The following NAV2 variants were observed in gnomAD, a reference collection of about 807,000 sequenced individuals.
The protein encoded by NAV2 is helicase, APC down-regulated 1.
Under a neutral mutation model 223.2 loss-of-function variants are expected in NAV2, and 54 were observed. The observed-to-expected ratio is 0.24, with a 90% confidence interval of 0.19 to 0.30. The LOEUF is 0.30. NAV2 is among the 10% of genes least tolerant of loss of function. The pLI is 1.00. For missense variants in NAV2, 2,806 were observed against 3,147.5 expected (o/e 0.89, Z 2.60); for synonymous variants, 1,279 against 1,239.3 (o/e 1.03, Z -0.67).
intron 4 of NAV2, among the ~76,000 whole-genome samples, chr11:19,869,328 G>T (rs943621659): frequency 2.0e-5 from 3 of 152,160 alleles, no homozygotes; most frequent in African/African-American, 7.2e-5. Context: ...CCTCATCTAT[G>T]GGAGAGAGCA....
intron 1 of NAV2, among the ~76,000 whole-genome samples, chr11:19,803,848 G>A (rs762859294): frequency 3.9e-5 from 6 of 152,124 alleles, no homozygotes; most frequent in East Asian, 1.9e-4. Flanking sequence ...CTTGTTTGAC[G>A]TGTGTTTCCT....
rs576694265 is a variant in NAV2, at chr11:20,061,938, G to T, written c.4832-369G>T. Among the ~76,000 whole-genome samples the T allele has an allele frequency of 5.9e-5, 9 of 152,312 alleles. No homozygotes were observed. The South Asian group carries it at 1.9e-3, about 32-fold the overall frequency. ...AAAAAAGAGTGAAGCGAAATATGCT[G>T]GAACAGTAACAGGTTGCCTCCGGGC... On this transcript the variant is annotated intron_variant, in intron 19 of 37. Transcript: ENST00000349880.
chr11:19,785,118 C>G (rs201444103), intron 1 of NAV2, among the ~76,000 whole-genome samples: 1 of 152,274 alleles, frequency 6.6e-6, no homozygotes, highest in East Asian at 1.9e-4. Context: ...TGACTTCATG[C>G]TGGGGCAGCC....
At position 19,616,180 on chromosome 11, in the gene NAV2, C is replaced by T. The variant is rs540187126; in HGVS notation, c.76-216304C>T. 3.3e-5 allele frequency among the ~76,000 whole-genome samples: 5 copies of T among 152,046 alleles called. No individual in the cohort carries two copies. The East Asian group carries it at 9.7e-4, about 30-fold the overall frequency. Reference sequence around the variant, plus strand: ...GTATGAATGTGTATTCACATTTAGGCCTACATGTCCTTCTTGGAGTCCAGA... The same window carrying T: ...GTATGAATGTGTATTCACATTTAGGTCTACATGTCCTTCTTGGAGTCCAGA... On this transcript the variant is annotated intron_variant, in intron 1 of 37. Coordinates refer to the NAV2 transcript ENST00000360655.
intron 3 of NAV2, among the ~76,000 whole-genome samples, chr11:19,860,985 A>C (rs559303521): frequency 2.6e-3 from 365 of 142,834 alleles, no homozygotes; most frequent in Non-Finnish European, 4.1e-3. Flanking sequence ...GCAGCAGTAC[A>C]GTCCAGCTTC....
chr11:20,013,686 C>T (rs1259095360), intron 11 of NAV2, among the ~76,000 whole-genome samples: 1 of 152,170 alleles, frequency 6.6e-6, no homozygotes, highest in Non-Finnish European at 1.5e-5. Flanking sequence ...GCATTTCATA[C>T]AATGCCCGGT....
At chr11:19,841,314 CAG>C (rs1357619972) in intron 2 of NAV2, among the ~76,000 whole-genome samples, 4 of 152,156 alleles carry the variant, frequency 2.6e-5, no homozygotes, top group Non-Finnish European at 4.4e-5. Context: ...AAGATAGAAA[CAG>C]AGAAAAAATG....
intron 1 of NAV2, among the ~76,000 whole-genome samples, chr11:19,577,923 G>A (rs138077670): frequency 2.6e-5 from 4 of 152,306 alleles, no homozygotes; most frequent in East Asian, 3.9e-4. Flanking sequence ...AGCGACAGGC[G>A]CCCAAAATAG....
rs773608309 is a variant in NAV2 at position 19,908,705 on chromosome 11, T to C, written c.931+16111T>C. On this transcript the variant is annotated intron_variant, in intron 6 of 37. Coordinates refer to ENST00000349880, the MANE Select transcript of NAV2 (RefSeq NM_145117.5). ...CAGCACAGCTCTAGAAAATTATTCA[T>C]TGAGCAGCCAGTGAGTCTGCTGCTG... Among the ~76,000 whole-genome samples the C allele has an allele frequency of 3.7e-4, 57 of 152,216 alleles. 1 individual carries two copies. The highest frequency in any genetic ancestry group is 7.1e-4 in the Non-Finnish European group (48 of 68,040).
chr11:19,934,839 C>A (rs1353703706), intron 7 of NAV2, among the ~76,000 whole-genome samples: 1 of 151,756 alleles, frequency 6.6e-6, no homozygotes, highest in Non-Finnish European at 1.5e-5. Context: ...TCTAGAAGAA[C>A]AAGAGCTCAT....
At chr11:19,445,595 C>A (rs1435586475) in intron 1 of NAV2, among the ~76,000 whole-genome samples, 3 of 152,076 alleles carry the variant, frequency 2.0e-5, no homozygotes, top group African/African-American at 4.8e-5. Context: ...TCTGGTCTCT[C>A]GAGCCACATC....
chr11:20,021,985 C>T (rs1265951740), intron 11 of NAV2, among the ~76,000 whole-genome samples: 1 of 152,210 alleles, frequency 6.6e-6, no homozygotes, highest in Non-Finnish European at 1.5e-5. Context: ...GTTACTGCTT[C>T]CTTCCCTAAC....
intron 1 of NAV2, among the ~76,000 whole-genome samples, chr11:19,775,237 C>T (rs1000138288): frequency 1.3e-5 from 2 of 152,202 alleles, no homozygotes; most frequent in African/African-American, 4.8e-5. Flanking sequence ...CACATGCTCT[C>T]TCATTTCTGA....
chr11:19,432,546 G>C (rs1362413748), intron 1 of NAV2, among the ~76,000 whole-genome samples: 1 of 152,220 alleles, frequency 6.6e-6, no homozygotes, highest in Non-Finnish European at 1.5e-5. Context: ...GAAGCCAAAA[G>C]GCGTCATGGA....
At chr11:19,508,803 T>A (rs2043194943) in intron 1 of NAV2, among the ~76,000 whole-genome samples, 1 of 152,212 alleles carries the variant, frequency 6.6e-6, no homozygotes, top group East Asian at 1.9e-4. Context: ...CTGAATTTGT[T>A]AAATAAATGA....
intron 1 of NAV2, among the ~76,000 whole-genome samples, chr11:19,750,443 A>G (rs1349583730): frequency 6.6e-6 from 1 of 152,178 alleles, no homozygotes; most frequent in African/African-American, 2.4e-5. Flanking sequence ...GGCCGTTGCC[A>G]GTAAAGAACT....
At chr11:19,740,815 C>T (rs1032022145) in intron 1 of NAV2, among the ~76,000 whole-genome samples, 3 of 152,182 alleles carry the variant, frequency 2.0e-5, no homozygotes, top group Admixed American at 1.3e-4. Flanking sequence ...GACACTATTA[C>T]TATTGTTATC....
intron 1 of NAV2, among the ~76,000 whole-genome samples, chr11:19,634,501 T>C (rs1209730048): frequency 6.6e-6 from 1 of 152,206 alleles, no homozygotes; most frequent in African/African-American, 2.4e-5. Flanking sequence ...TTTTTTTTAA[T>C]TGTGTAAAAA....
chr11:19,492,701 T>C (rs1436005441), intron 1 of NAV2, among the ~76,000 whole-genome samples: 1 of 152,148 alleles, frequency 6.6e-6, no homozygotes, highest in Non-Finnish European at 1.5e-5. Context: ...CAAATCCCAA[T>C]AGATATAAAG....
Sources: allele counts gnomAD v4.1 joint callset (sites outside exome capture counted in the v4.1 genomes callset), GRCh38; gene constraint gnomAD v4.1.1; transcripts MANE v1.5; gene names NCBI Gene and HGNC (gene_info 2026-07-23, HGNC 2026-07-21).